Variants in LRP1B observed in about 807,000 individuals in gnomAD.
The protein encoded by LRP1B is LDL receptor related protein 1B.
LRP1B carries 217 observed loss-of-function variants against 556.6 expected under a neutral mutation model. That is an observed-to-expected ratio of 0.39 (90% CI 0.35 to 0.44). LRP1B has a LOEUF of 0.44. Ranked by LOEUF, LRP1B falls within the 20% of genes least tolerant of loss-of-function variation. The pLI is 1.00. For missense variants in LRP1B, 5,053 were observed against 5,620.8 expected, an observed-to-expected ratio of 0.90 and a Z score of 3.23; for synonymous variants, 2,047 against 1,865.8, an observed-to-expected ratio of 1.10 and a Z score of -2.50.
chr2:141,409,618 A>G (rs1690774843), intron 3 of LRP1B, among the ~76,000 whole-genome samples: 1 of 152,092 alleles, frequency 6.6e-6, no homozygotes, highest in East Asian at 1.9e-4. Flanking sequence ...TCCTGTATCT[A>G]TGGATACAGT....
chr2:141,820,773 G>A (rs1244336291), intron 1 of LRP1B, among the ~76,000 whole-genome samples: 1 of 152,164 alleles, frequency 6.6e-6, no homozygotes, highest in African/African-American at 2.4e-5. Flanking sequence ...AAGATGGATC[G>A]AGAGACAAGC....
At chr2:141,833,953 A>T (rs562560115) in intron 1 of LRP1B, among the ~76,000 whole-genome samples, 5,413 of 151,824 alleles carry the variant, frequency 0.036, 312 homozygotes, top group African/African-American at 0.12. Context: ...GGCAAAACTT[A>T]CCACTTGAAG....
At chr2:140,999,583 T>C (rs1359825135) in intron 15 of LRP1B, among the ~76,000 whole-genome samples, 1 of 152,120 alleles carries the variant, frequency 6.6e-6, no homozygotes, top group Non-Finnish European at 1.5e-5. Context: ...TATGCAGTGA[T>C]AGCCTGGGTT....
At chr2:141,041,891 T>C (rs546471890) in intron 11 of LRP1B, among the ~76,000 whole-genome samples, 1 of 152,182 alleles carries the variant, frequency 6.6e-6, no homozygotes, top group African/African-American at 2.4e-5. Context: ...AAATTTTTTT[T>C]AAAAAGTAGC....
chr2:140,281,718 A>G (rs1395687510), intron 84 of LRP1B, among the ~76,000 whole-genome samples: 1 of 151,844 alleles, frequency 6.6e-6, no homozygotes, highest in Admixed American at 6.6e-5. Context: ...AGTAGGATGG[A>G]ATTACCATCA....
chr2:140,451,660 TG>T, intron 62 of LRP1B, among the ~76,000 whole-genome samples: 1 of 152,272 alleles, frequency 6.6e-6, no homozygotes, highest in African/African-American at 2.4e-5. Context: ...TTAAAGCAGT[TG>T]AGGCCAACAC....
chr2:140,849,735 C>T (rs928229166), intron 29 of LRP1B, among the ~76,000 whole-genome samples: 3 of 151,996 alleles, frequency 2.0e-5, no homozygotes, highest in African/African-American at 2.4e-5. Context: ...GACAGGGTTT[C>T]ACCGTGTTGG....
intron 1 of LRP1B, among the ~76,000 whole-genome samples, chr2:141,943,146 T>C (rs1285806446): frequency 6.6e-6 from 1 of 152,196 alleles, no homozygotes; most frequent in Non-Finnish European, 1.5e-5. Flanking sequence ...GAAATTTAAA[T>C]GCTGTATTAA....
At chr2:140,899,192 T>A in intron 23 of LRP1B, 1 of 165,930 alleles carries the variant, frequency 6.0e-6, no homozygotes, top group Non-Finnish European at 1.3e-5. Flanking sequence ...AAGGCTCCTG[T>A]TGTTGTCAAG....
At position 140,526,387 on chromosome 2, in the gene LRP1B, G is replaced by A. The variant is rs201289184; in HGVS notation, c.7763-37C>T. 6.6e-5 allele frequency: 77 copies of A among 1,161,454 alleles called. No individual in the cohort carries two copies. In the African/African-American group the frequency reaches 1.1e-3, roughly 16 times the overall value. The allele number at this position is 1,161,454 out of a possible 1,614,324, so 71.9% of individuals were successfully genotyped here. ...GGTACATAAACAAATGCAAAGATGG[G>A]ACAGAATGACTCCTTGCTTTTACAT... On this transcript the variant is annotated intron_variant, in intron 47 of 90. Transcript: ENST00000389484.
chr2:141,922,769 A>G lies in LRP1B; in HGVS notation c.83-112368T>C, dbSNP rs186982249. 2.2e-3 allele frequency among the ~76,000 whole-genome samples: 336 copies of G among 152,274 alleles called. 8 individuals carry two copies. Among genetic ancestry groups the G allele is most frequent in the Admixed American group, 0.017 (262 of 15,284 alleles). On this transcript the variant is annotated intron_variant, in intron 1 of 90. Coordinates refer to ENST00000389484, the MANE Select transcript of LRP1B (RefSeq NM_018557.3). Reference sequence around the variant, plus strand: ...ACATATTTCACTGAGAAGCTCAGCTATCTTAAGTGCTTCAGTTCTCTCAGC... The same window carrying G: ...ACATATTTCACTGAGAAGCTCAGCTGTCTTAAGTGCTTCAGTTCTCTCAGC...
At chr2:140,984,895 A>G (rs753109130) in intron 17 of LRP1B, among the ~76,000 whole-genome samples, 2 of 152,146 alleles carry the variant, frequency 1.3e-5, no homozygotes, top group Admixed American at 6.6e-5. Flanking sequence ...CTGTTTATCT[A>G]TATGATATAA....
At chr2:141,355,632 G>C (rs1688600508) in intron 3 of LRP1B, among the ~76,000 whole-genome samples, 1 of 152,078 alleles carries the variant, frequency 6.6e-6, no homozygotes, top group Admixed American at 6.6e-5. Context: ...TAAGTTTGTA[G>C]CCTTCTTTTG....
At chr2:140,407,891 C>A (rs72990630) in intron 66 of LRP1B, among the ~76,000 whole-genome samples, 2 of 152,068 alleles carry the variant, frequency 1.3e-5, no homozygotes, top group African/African-American at 4.8e-5. Context: ...ATGTTTATGG[C>A]AGCACACTTC....
chr2:141,416,245 G>A (rs1691094932), intron 3 of LRP1B, among the ~76,000 whole-genome samples: 1 of 152,046 alleles, frequency 6.6e-6, no homozygotes, highest in Non-Finnish European at 1.5e-5. Flanking sequence ...GATTACATGA[G>A]GTTGCCTGAG....
intron 59 of LRP1B, among the ~76,000 whole-genome samples, chr2:140,481,578 T>TTTATTATTCTTA (rs1688242762): frequency 7.3e-6 from 1 of 137,130 alleles, no homozygotes; most frequent in Non-Finnish European, 1.6e-5. Context: ...GGTAGCCATC[T>TTTATTATTCTTA]TTATTATTAT....
At chr2:141,404,710 G>A (rs781419971) in intron 3 of LRP1B, among the ~76,000 whole-genome samples, 6 of 152,082 alleles carry the variant, frequency 3.9e-5, no homozygotes, top group South Asian at 2.1e-4. Context: ...AGTTCCTATC[G>A]TTATACTGGT....
intron 50 of LRP1B, among the ~76,000 whole-genome samples, chr2:140,515,300 G>T (rs963242504): frequency 2.6e-5 from 4 of 151,936 alleles, no homozygotes; most frequent in Admixed American, 6.6e-5. Context: ...TGATGTTTTT[G>T]TGTTGCTTCC....
At chr2:142,049,100 C>T (rs1472725271) in intron 1 of LRP1B, among the ~76,000 whole-genome samples, 1 of 151,946 alleles carries the variant, frequency 6.6e-6, no homozygotes, top group East Asian at 1.9e-4. Flanking sequence ...TATTCAAGAA[C>T]TCCAGAAAGA....
Sources: gnomAD v4.1 joint callset for allele counts (sites outside exome capture counted in the v4.1 genomes callset) on GRCh38, gnomAD v4.1.1 for gene constraint, MANE v1.5 for transcripts, NCBI Gene and HGNC (gene_info 2026-07-23, HGNC 2026-07-21) for gene names.